Variants in ABLIM1 observed in about 807,000 individuals in gnomAD.
The protein encoded by ABLIM1 is actin-binding LIM protein 1.
Under a neutral mutation model 107.0 loss-of-function variants are expected in ABLIM1, and 40 were observed. The observed-to-expected ratio is 0.37, with a 90% CI of 0.29 to 0.49. The LOEUF is 0.49. Ranked by LOEUF, ABLIM1 falls within the 20% of genes least tolerant of loss-of-function variation. The pLI is 0.97. For synonymous variants in ABLIM1, 357 were observed against 357.3 expected, an observed-to-expected ratio of 1.00 and a Z score of 0.01; for missense variants, 857 against 1,008.5, an observed-to-expected ratio of 0.85 and a Z score of 2.04.
At chr10:114,647,797 G>A (rs2079070819) in intron 1 of ABLIM1, among the ~76,000 whole-genome samples, 1 of 152,178 alleles carries the variant, frequency 6.6e-6, no homozygotes, top group Non-Finnish European at 1.5e-5. Flanking sequence ...CTTGGATGAG[G>A]AAAGACTTCT....
upstream of ABLIM1, among the ~76,000 whole-genome samples, chr10:114,771,244 C>T (rs1477082429): frequency 6.6e-6 from 1 of 152,194 alleles, no homozygotes; most frequent in Admixed American, 6.5e-5. Flanking sequence ...ATGAACAGAT[C>T]TTACTCTTGT....
intron 1 of ABLIM1, among the ~76,000 whole-genome samples, chr10:114,759,296 C>T (rs1370462448): frequency 6.6e-6 from 1 of 152,130 alleles, no homozygotes; most frequent in Non-Finnish European, 1.5e-5. Flanking sequence ...GGCATAAAAT[C>T]AAGTAGGTTG....
intron 13 of ABLIM1, among the ~76,000 whole-genome samples, chr10:114,451,964 A>G (rs2061982370): frequency 6.6e-6 from 1 of 152,198 alleles, no homozygotes; most frequent in Non-Finnish European, 1.5e-5. Flanking sequence ...GGATTAAAAC[A>G]GGAAGAAACG....
chr10:114,781,197 C>G, the ABLIM1 span, among the ~76,000 whole-genome samples: 1 of 152,022 alleles, frequency 6.6e-6, no homozygotes. Flanking sequence ...CTCCCTAAAT[C>G]ACCCCCACTT....
At chr10:114,709,672 A>C (rs1265283672) in intron 1 of ABLIM1, among the ~76,000 whole-genome samples, 1 of 152,236 alleles carries the variant, frequency 6.6e-6, no homozygotes, top group Non-Finnish European at 1.5e-5. Flanking sequence ...AAAACTACAA[A>C]GTTATTGTCA....
chr10:114,665,371 G>C (rs1398477469), intron 1 of ABLIM1, among the ~76,000 whole-genome samples: 1 of 152,132 alleles, frequency 6.6e-6, no homozygotes. Context: ...TTCCATCTGG[G>C]CCTTGAAGAC....
chr10:114,787,142 C>T, the ABLIM1 span, among the ~76,000 whole-genome samples: 1 of 151,638 alleles, frequency 6.6e-6, no homozygotes, highest in Non-Finnish European at 1.5e-5. Flanking sequence ...CGCCTCTGCC[C>T]TGTCGCCCCG....
intron 1 of ABLIM1, chr10:114,613,595 A>G: frequency 1.9e-6 from 2 of 1,038,958 alleles, no homozygotes; most frequent in Non-Finnish European, 2.7e-6. Flanking sequence ...AAGAATGTGA[A>G]CCCTTTCTGA....
chr10:114,770,236 AT>A (rs1275700887), upstream of ABLIM1, among the ~76,000 whole-genome samples: 1 of 152,144 alleles, frequency 6.6e-6, no homozygotes, highest in Non-Finnish European at 1.5e-5. Flanking sequence ...ATCCAGCAAA[AT>A]TTTATTGAAC....
At chr10:114,468,409 GGAC>G in intron 10 of ABLIM1, 193 bp from the exon 11 acceptor site, 14 of 390,948 alleles carry the variant, frequency 3.6e-5, no homozygotes, top group South Asian at 3.2e-4. Flanking sequence ...CAAGTAGCTG[GGAC>G]TACAGGCGCC....
chr10:114,648,150 A>T (rs1361650013), intron 1 of ABLIM1, among the ~76,000 whole-genome samples: 1 of 152,244 alleles, frequency 6.6e-6, no homozygotes, highest in African/African-American at 2.4e-5. Flanking sequence ...ACAGAGAATT[A>T]TCGTATGACC....
intron 1 of ABLIM1, among the ~76,000 whole-genome samples, chr10:114,611,534 A>G (rs1428939283): frequency 6.6e-6 from 1 of 152,022 alleles, no homozygotes; most frequent in Admixed American, 6.5e-5. Context: ...TGGCTACGTG[A>G]TAGGTCCTTG....
rs116839792 is a variant in ABLIM1, at chr10:114,650,417, G to A, written c.244+7540C>T. 1.8e-3 allele frequency among the ~76,000 whole-genome samples: 277 copies of A among 152,258 alleles called. 2 individuals are homozygous for A. Among genetic ancestry groups the A allele is most frequent in the African/African-American group, 6.1e-3 (255 of 41,554 alleles). ...ACTTAAACAGACTGCTTTACCCTCT[G>A]ACTTTAAATAAGATTAGTTTTTAAG... On this transcript the variant is annotated intron_variant, in intron 1 of 22. Coordinates refer to ENST00000533213, the MANE Select transcript of ABLIM1 (RefSeq NM_002313.7).
intron 1 of ABLIM1, among the ~76,000 whole-genome samples, chr10:114,726,851 T>C (rs567218651): frequency 6.6e-6 from 1 of 152,102 alleles, no homozygotes; most frequent in Admixed American, 6.6e-5. Flanking sequence ...TCCGCCCCCA[T>C]GATCCAGTCA....
At chr10:114,463,402 A>G (rs895890708) in intron 12 of ABLIM1, among the ~76,000 whole-genome samples, 1 of 152,062 alleles carries the variant, frequency 6.6e-6, no homozygotes, top group Admixed American at 6.5e-5. Flanking sequence ...TCTGAGAATA[A>G]ATGGCTTTGG....
Position 114,571,281 on chromosome 10 carries a change from T to C in ABLIM1, c.673+16A>G. 2 of 1,612,880 alleles carry C rather than the reference T, an allele frequency of 1.2e-6. No homozygotes were observed. The highest frequency in any genetic ancestry group is 1.7e-6 in the Non-Finnish European group (2 of 1,178,846). On this transcript the variant is annotated intron_variant, in intron 4 of 22. Transcript: ENST00000533213. ...CTACATAGGTATTCACGTCAGTGGG[T>C]CACCGGGGCACTTACTGCTGGAGAA...
intron 17 of ABLIM1, 119 bp downstream of exon 17, chr10:114,443,910 A>G: frequency 1.3e-6 from 1 of 785,314 alleles, no homozygotes; most frequent in Admixed American, 2.6e-5. Context: ...TGGGTTTCCC[A>G]CACTTCCTTT....
At chr10:114,565,914 C>T (rs1352644896) in intron 4 of ABLIM1, among the ~76,000 whole-genome samples, 5 of 151,128 alleles carry the variant, frequency 3.3e-5, no homozygotes, top group Admixed American at 3.3e-4. Context: ...CCTGCCTCAG[C>T]CTCCTGAGTA....
chr10:114,700,810 A>T (rs1203087603), intron 1 of ABLIM1, among the ~76,000 whole-genome samples: 1 of 152,196 alleles, frequency 6.6e-6, no homozygotes, highest in Non-Finnish European at 1.5e-5. Context: ...TCATAGATGT[A>T]AACTTAAAAT....
Sources: allele counts gnomAD v4.1 joint callset (sites outside exome capture counted in the v4.1 genomes callset), GRCh38; gene constraint gnomAD v4.1.1; transcripts MANE v1.5; gene names NCBI Gene and HGNC (gene_info 2026-07-23, HGNC 2026-07-21).